The following ROR1 variants were observed in gnomAD, a reference collection of about 807,000 sequenced individuals.
ROR1 encodes inactive tyrosine-protein kinase transmembrane receptor ROR1.
A neutral mutation model predicts 78.8 loss-of-function variants in ROR1; 19 were observed. The observed-to-expected ratio is 0.24, with a 90% confidence interval of 0.17 to 0.35. ROR1 has a LOEUF of 0.35. ROR1 is among the 10% of genes least tolerant of loss of function. The pLI is 1.00. For synonymous variants in ROR1, 386 were observed against 433.6 expected (o/e 0.89, Z 1.36); for missense variants, 917 against 1,177.8 (o/e 0.78, Z 3.24).
chr1:63,959,225 C>T (rs766589154), intron 1 of ROR1, among the ~76,000 whole-genome samples: 4 of 152,160 alleles, frequency 2.6e-5, no homozygotes, highest in Non-Finnish European at 1.5e-5. Flanking sequence ...AGAACTCACT[C>T]ACTGTCATGA....
At chr1:63,808,037 C>G (rs1195917873) in intron 1 of ROR1, among the ~76,000 whole-genome samples, 3 of 152,106 alleles carry the variant, frequency 2.0e-5, no homozygotes, top group African/African-American at 7.2e-5. Context: ...CTCCTTCTCT[C>G]TTTCTTCCTC....
chr1:63,995,166 G>A (rs1646327286), intron 1 of ROR1, among the ~76,000 whole-genome samples: 1 of 152,154 alleles, frequency 6.6e-6, no homozygotes, highest in Non-Finnish European at 1.5e-5. Flanking sequence ...GAACAGTCTT[G>A]GCAGGTTGAT....
intron 2 of ROR1, among the ~76,000 whole-genome samples, chr1:64,031,144 A>C (rs1646656608): frequency 6.6e-6 from 1 of 152,176 alleles, no homozygotes; most frequent in Non-Finnish European, 1.5e-5. Context: ...CTGGGATTAT[A>C]GGCATGAGCC....
chr1:64,091,279 A>G (rs1647194857), intron 4 of ROR1, among the ~76,000 whole-genome samples: 1 of 152,178 alleles, frequency 6.6e-6, no homozygotes, highest in Non-Finnish European at 1.5e-5. Context: ...GTCTGACTAG[A>G]GTAGAAATAC....
intron 4 of ROR1, among the ~76,000 whole-genome samples, chr1:64,051,623 A>G (rs1646832917): frequency 1.3e-5 from 2 of 152,240 alleles, no homozygotes; most frequent in Admixed American, 6.5e-5. Flanking sequence ...TTCTTTCACT[A>G]ATGCTATTGT....
Position 63,861,057 on chromosome 1 carries a change from A to T in ROR1, c.91+86549A>T, listed in dbSNP as rs1645178880. On this transcript the variant is annotated intron_variant, in intron 1 of 8. Transcript: ENST00000371079. ...CCTGATGGAGTTTTGAGTGAGTTAA[A>T]TTAGGTTGTCTTGAAAATAGCTGGG... 2.0e-5 allele frequency among the ~76,000 whole-genome samples: 3 copies of T among 152,252 alleles called. No individual in the cohort carries two copies. The South Asian group carries it at 6.2e-4, about 32-fold the overall frequency.
intron 4 of ROR1, among the ~76,000 whole-genome samples, chr1:64,057,954 T>C (rs1646888104): frequency 6.6e-6 from 1 of 152,202 alleles, no homozygotes; most frequent in South Asian, 2.1e-4. Flanking sequence ...CTCAACAGTA[T>C]TAAGTCATCT....
intron 1 of ROR1, among the ~76,000 whole-genome samples, chr1:63,988,168 A>G (rs1311203406): frequency 2.0e-5 from 3 of 152,224 alleles, no homozygotes; most frequent in Admixed American, 6.5e-5. Flanking sequence ...TTTACAAACA[A>G]TGAGAGAATC....
At chr1:63,945,944 T>C (rs145640944) in intron 1 of ROR1, among the ~76,000 whole-genome samples, 113 of 152,346 alleles carry the variant, frequency 7.4e-4, no homozygotes, top group African/African-American at 2.4e-3. Context: ...GGCCAGATCA[T>C]AGAGGAATCA....
chr1:64,158,936 A>G (rs1649853552), intron 7 of ROR1, 45 bp from the exon 8 acceptor site: 1 of 1,393,760 alleles, frequency 7.2e-7, no homozygotes, highest in Non-Finnish European at 1.0e-6. Flanking sequence ...TATGCATGTT[A>G]CTTTAAAGAG....
chr1:63,808,344 A>G (rs528041573), intron 1 of ROR1, among the ~76,000 whole-genome samples: 1 of 152,238 alleles, frequency 6.6e-6, no homozygotes, highest in Non-Finnish European at 1.5e-5. Flanking sequence ...AAGTGGAAGG[A>G]GCCTGGGTCC....
At chr1:63,788,865 T>C in intron 1 of ROR1, 1 of 795,200 alleles carries the variant, frequency 1.3e-6, no homozygotes, top group Non-Finnish European at 2.1e-6. Context: ...GAGCCTTATC[T>C]GCCTTCAGCT....
chr1:63,890,997 T>A (rs1198301021), intron 1 of ROR1, among the ~76,000 whole-genome samples: 2 of 152,182 alleles, frequency 1.3e-5, no homozygotes, highest in Admixed American at 1.3e-4. Context: ...AAAACTATAT[T>A]TTTCTGCCTG....
intron 1 of ROR1, among the ~76,000 whole-genome samples, chr1:63,883,847 G>C (rs1194121421): frequency 6.6e-6 from 1 of 152,210 alleles, no homozygotes; most frequent in Non-Finnish European, 1.5e-5. Flanking sequence ...TCTTCCTCCA[G>C]AGGGATGGGC....
chr1:64,165,701 C>CTTTTTTTTTT (rs576997668), intron 8 of ROR1, among the ~76,000 whole-genome samples: 1 of 102,920 alleles, frequency 9.7e-6, no homozygotes, highest in Non-Finnish European at 1.9e-5. Flanking sequence ...TCGGGTTTTA[C>CTTTTTTTTTT]TTTTTTTTTT....
intron 1 of ROR1, among the ~76,000 whole-genome samples, chr1:63,943,247 C>G (rs141213417): frequency 1.3e-5 from 2 of 152,298 alleles, no homozygotes; most frequent in Non-Finnish European, 2.9e-5. Context: ...TGCCACAACT[C>G]ACTCAGCCTG....
At chr1:64,074,525 G>A (rs1278700034) in intron 4 of ROR1, among the ~76,000 whole-genome samples, 2 of 152,196 alleles carry the variant, frequency 1.3e-5, no homozygotes, top group African/African-American at 2.4e-5. Context: ...AAGGCACAGA[G>A]GGAGGGAGAA....
chr1:63,937,196 A>G (rs1389807661), intron 1 of ROR1, among the ~76,000 whole-genome samples: 1 of 152,086 alleles, frequency 6.6e-6, no homozygotes, highest in Non-Finnish European at 1.5e-5. Context: ...TCTCTTAGTG[A>G]CTGAGGTTTA....
In ROR1 at chr1:64,178,293, G is replaced by C; in HGVS notation, c.2252G>C (p.Gly751Ala). 6.2e-7 allele frequency: 1 copy of C among 1,614,076 alleles called. No homozygotes were observed. The highest frequency in any genetic ancestry group is 8.5e-7 in the Non-Finnish European group (1 of 1,180,010). Residue 751 changes from glycine to alanine, a missense_variant, in exon 9 of 9, where the codon GGA (glycine) becomes GCA (alanine). This residue lies in a region of ROR1 where 835 missense variants were observed against 1,069.8 expected (regional missense o/e 0.78). Transcript: ENST00000371079. This position sits in a 1 kb window ranked among gnomAD's most constrained non-coding sequence, Gnocchi z 4.3. ...DIHVRLRSWE[G>A]LSSHTSSTTP... The stretch of plus-strand genomic sequence containing the variant: ...CACGTCCGGCTTCGGTCCTGGGAGG[G>C]ACTCTCAAGTCACACAAGCTCTACT...
Sources: allele counts gnomAD v4.1 joint callset (sites outside exome capture counted in the v4.1 genomes callset), GRCh38; gene constraint gnomAD v4.1.1; regional missense constraint gnomAD v4.1.1; non-coding constraint Gnocchi (gnomAD v3.1); transcripts MANE v1.5; gene names NCBI Gene and HGNC (gene_info 2026-07-23, HGNC 2026-07-21).